TAFA2: variants seen among roughly 807,000 people sequenced by gnomAD.
TAFA2 encodes chemokine-like protein TAFA-2.
In TAFA2, 7 loss-of-function variants were observed where a neutral mutation model predicts 18.8. That is an observed-to-expected ratio of 0.37 (90% confidence interval 0.21 to 0.70). TAFA2 has a LOEUF of 0.70. TAFA2 is among the 30% of genes least tolerant of loss of function. The pLI is 0.53. For missense variants in TAFA2, 122 were observed against 158.1 expected (o/e 0.77, Z 1.23); for synonymous variants, 60 against 54.2 (o/e 1.11, Z -0.47).
intron 1 of TAFA2, among the ~76,000 whole-genome samples, chr12:62,087,847 G>T (rs1263209354): frequency 6.6e-6 from 1 of 152,058 alleles, no homozygotes; most frequent in Non-Finnish European, 1.5e-5. Flanking sequence ...TGGTGGCTTG[G>T]AATAGATGAT....
chr12:62,096,732 T>C lies in TAFA2; in HGVS notation c.-2+94527A>G, dbSNP rs1394113618. Reference sequence around the variant, plus strand: ...AAGCCAAATCTGGTGGGTAAGCCAGTGTTGAAACATAGGCACAAATGGCTT... The same window carrying C: ...AAGCCAAATCTGGTGGGTAAGCCAGCGTTGAAACATAGGCACAAATGGCTT... On this transcript the variant is annotated intron_variant, in intron 1 of 4. Coordinates refer to ENST00000416284, the MANE Select transcript of TAFA2 (RefSeq NM_178539.5). Among the ~76,000 whole-genome samples, 5 of 152,150 alleles carry C rather than the reference T, an allele frequency of 3.3e-5. 1 individual carries two copies. The highest frequency in any genetic ancestry group is 2.6e-4 in the Admixed American group (4 of 15,264).
intron 2 of TAFA2, among the ~76,000 whole-genome samples, chr12:61,863,433 T>G (rs1874211116): frequency 6.6e-6 from 1 of 152,286 alleles, no homozygotes; most frequent in East Asian, 1.9e-4. Flanking sequence ...CTCAGAACTC[T>G]TAGTAAAACA....
rs1485393486 is a variant in TAFA2 at position 61,709,890 on chromosome 12, A to T, written c.*516T>A. On this transcript the variant is annotated 3_prime_UTR_variant, in exon 5 of 5. Coordinates refer to ENST00000416284, the MANE Select transcript of TAFA2 (RefSeq NM_178539.5). ...ACATGTAGGCTTTCTGAGCTCCAAG[A>T]TTAGGATATAAATAAAATTGTCTCA... The T allele has an allele frequency of 6.6e-6, 1 of 152,618 alleles. No individual in the cohort carries two copies. Among genetic ancestry groups the T allele is most frequent in the Non-Finnish European group, 1.5e-5 (1 of 68,352 alleles). 9.5% of individuals were successfully genotyped at this position (152,618 alleles called of 1,614,324 possible).
At chr12:62,240,885 T>C (rs1245655960) in intron 1 of TAFA2, among the ~76,000 whole-genome samples, 1 of 152,106 alleles carries the variant, frequency 6.6e-6, no homozygotes, top group Non-Finnish European at 1.5e-5. Flanking sequence ...GAACGGTGCA[T>C]GGGAGGGATC....
chr12:61,869,695 TAACCTGGTTTGG>T (rs1439545693), intron 1 of TAFA2, among the ~76,000 whole-genome samples: 1 of 152,208 alleles, frequency 6.6e-6, no homozygotes, highest in Non-Finnish European at 1.5e-5. Flanking sequence ...GCTATAACAA[TAACCTGGTTTGG>T]AACTTATTCT....
At chr12:62,217,322 C>A (rs937213086) in intron 1 of TAFA2, among the ~76,000 whole-genome samples, 20 of 152,132 alleles carry the variant, frequency 1.3e-4, no homozygotes, top group Non-Finnish European at 2.5e-4. Context: ...TAAAGTAAAA[C>A]CACAATGTAA....
At chr12:61,876,329 G>C (rs1307025086) in intron 1 of TAFA2, among the ~76,000 whole-genome samples, 1 of 152,138 alleles carries the variant, frequency 6.6e-6, no homozygotes, top group Non-Finnish European at 1.5e-5. Flanking sequence ...GAAAAAGTGA[G>C]TGAGAACAAC....
At chr12:61,925,549 A>G (rs1334201882) in intron 1 of TAFA2, among the ~76,000 whole-genome samples, 1 of 152,226 alleles carries the variant, frequency 6.6e-6, no homozygotes, top group Non-Finnish European at 1.5e-5. Context: ...GAGAACAAAG[A>G]CACAATGTAC....
At chr12:61,839,941 C>T (rs1340317064) in intron 2 of TAFA2, among the ~76,000 whole-genome samples, 1 of 151,914 alleles carries the variant, frequency 6.6e-6, no homozygotes, top group East Asian at 1.9e-4. Context: ...ATTAGCCAGG[C>T]AAAGTTGACA....
intron 1 of TAFA2, among the ~76,000 whole-genome samples, chr12:62,032,464 AC>A (rs2136747562): frequency 6.6e-6 from 1 of 152,282 alleles, no homozygotes; most frequent in South Asian, 2.1e-4. Context: ...GGAATAAAAA[AC>A]ATTATGTTTG....
chr12:62,234,629 C>T, intron 1 of TAFA2: 2 of 835,020 alleles, frequency 2.4e-6, no homozygotes, highest in South Asian at 2.7e-5. Context: ...CACCCATGTG[C>T]TTGCACTGGT....
At chr12:61,844,623 C>G (rs114833965) in intron 2 of TAFA2, among the ~76,000 whole-genome samples, 307 of 152,132 alleles carry the variant, frequency 2.0e-3, no homozygotes, top group African/African-American at 6.6e-3. Flanking sequence ...TGAAAGTAAA[C>G]AGAAATAACA....
At chr12:61,965,976 T>C (rs573891517) in intron 1 of TAFA2, among the ~76,000 whole-genome samples, 4 of 152,020 alleles carry the variant, frequency 2.6e-5, no homozygotes, top group African/African-American at 7.2e-5. Flanking sequence ...TTGATGGACA[T>C]TTGAGTTGTT....
intron 1 of TAFA2, among the ~76,000 whole-genome samples, chr12:61,972,553 A>G (rs1447990254): frequency 6.6e-6 from 1 of 151,672 alleles, no homozygotes; most frequent in East Asian, 1.9e-4. Context: ...TATGCATGGT[A>G]TAGAGGAATT....
chr12:61,972,718 G>A (rs1051982310), intron 1 of TAFA2, among the ~76,000 whole-genome samples: 8 of 151,646 alleles, frequency 5.3e-5, no homozygotes, highest in African/African-American at 1.9e-4. Flanking sequence ...CTTGTCATTG[G>A]AAATAATCAT....
chr12:62,156,566 G>A (rs2136925395), intron 1 of TAFA2, among the ~76,000 whole-genome samples: 1 of 152,120 alleles, frequency 6.6e-6, no homozygotes, highest in Non-Finnish European at 1.5e-5. Flanking sequence ...TAATCAACAA[G>A]AGGATAAAGA....
intron 1 of TAFA2, among the ~76,000 whole-genome samples, chr12:61,999,481 T>G (rs1880308982): frequency 6.6e-6 from 1 of 152,204 alleles, no homozygotes; most frequent in Admixed American, 6.5e-5. Flanking sequence ...GGATACGGCT[T>G]CCTAAAATTC....
intron 1 of TAFA2, chr12:62,021,668 G>C (rs1034452377): frequency 7.3e-7 from 1 of 1,365,714 alleles, no homozygotes; most frequent in South Asian, 1.2e-5. Flanking sequence ...TGGGTTCCAC[G>C]ATGCTCACGT....
At chr12:61,924,644 T>G (rs2121374510) in intron 1 of TAFA2, among the ~76,000 whole-genome samples, 1 of 152,098 alleles carries the variant, frequency 6.6e-6, no homozygotes, top group Non-Finnish European at 1.5e-5. Context: ...CATACCAAAA[T>G]GTAAAGACCA....
Sources: allele counts gnomAD v4.1 joint callset (sites outside exome capture counted in the v4.1 genomes callset), GRCh38; gene constraint gnomAD v4.1.1; transcripts MANE v1.5; gene names NCBI Gene and HGNC (gene_info 2026-07-23, HGNC 2026-07-21).